The following TNKS variants were observed in gnomAD, a reference collection of about 807,000 sequenced individuals.
TNKS encodes tankyrase.
Under a neutral mutation model 135.8 loss-of-function variants are expected in TNKS, and 72 were observed. The ratio of observed to expected loss-of-function variants is 0.53; its 90% CI spans 0.44 to 0.64. The LOEUF is 0.64. Ranked by LOEUF, TNKS falls within the 30% of genes least tolerant of loss-of-function variation. TNKS has a pLI of 0.00. For missense variants in TNKS, 1,769 were observed against 1,674.0 expected (o/e 1.06, Z -0.99); for synonymous variants, 849 against 649.3 (o/e 1.31, Z -4.68).
intron 11 of TNKS, among the ~76,000 whole-genome samples, chr8:9,714,977 A>G (rs1481836356): frequency 1.3e-5 from 2 of 152,184 alleles, no homozygotes; most frequent in Non-Finnish European, 2.9e-5. Flanking sequence ...CTGGTAGAGA[A>G]AGCATGGAAA....
intron 26 of TNKS, among the ~76,000 whole-genome samples, chr8:9,772,878 G>A (rs1450883034): frequency 6.8e-6 from 1 of 146,746 alleles, no homozygotes; most frequent in Non-Finnish European, 1.5e-5. Context: ...ATGTGTGGGT[G>A]TGGGTGTATC....
intron 5 of TNKS, among the ~76,000 whole-genome samples, chr8:9,699,471 A>G (rs1803693060): frequency 6.6e-6 from 1 of 151,728 alleles, no homozygotes; most frequent in African/African-American, 2.4e-5. Context: ...TTTTTTCTCA[A>G]TTTGTCTGTT....
chr8:9,655,915 G>A (rs540693783), intron 3 of TNKS, among the ~76,000 whole-genome samples: 1 of 152,328 alleles, frequency 6.6e-6, no homozygotes, highest in East Asian at 1.9e-4. Context: ...TGAGTTGAGA[G>A]AAGAAGGCTT....
intron 3 of TNKS, among the ~76,000 whole-genome samples, chr8:9,675,969 G>A (rs560486240): frequency 2.6e-5 from 4 of 151,024 alleles, no homozygotes; most frequent in Non-Finnish European, 5.9e-5. Flanking sequence ...TGATAGGTTT[G>A]GATACCATGC....
chr8:9,575,089 C>G (rs954046559), intron 1 of TNKS: 3 of 984,488 alleles, frequency 3.0e-6, no homozygotes, highest in East Asian at 1.1e-4. Flanking sequence ...TCTCCATTAT[C>G]TTTTTATTTT....
intron 1 of TNKS, among the ~76,000 whole-genome samples, chr8:9,563,064 C>A (rs566829391): frequency 4.6e-5 from 7 of 151,882 alleles, no homozygotes; most frequent in African/African-American, 1.2e-4. Flanking sequence ...GTTACTTGCT[C>A]CATTTCTTTA....
intron 3 of TNKS, among the ~76,000 whole-genome samples, chr8:9,616,324 C>G (rs893073098): frequency 3.3e-5 from 5 of 152,124 alleles, no homozygotes; most frequent in African/African-American, 1.2e-4. Flanking sequence ...AAATAGTGCT[C>G]TAAGTGTTTT....
chr8:9,577,901 G>C (rs754706632), intron 1 of TNKS, among the ~76,000 whole-genome samples: 2 of 152,188 alleles, frequency 1.3e-5, no homozygotes, highest in African/African-American at 2.4e-5. Flanking sequence ...CAGTTAGTTA[G>C]TTACAAGATA....
intron 1 of TNKS, among the ~76,000 whole-genome samples, chr8:9,571,643 G>C (rs1479617038): frequency 6.6e-6 from 1 of 152,094 alleles, no homozygotes; most frequent in Non-Finnish European, 1.5e-5. Context: ...ATTTGTAGTA[G>C]AGACGGGGTT....
intron 13 of TNKS, among the ~76,000 whole-genome samples, chr8:9,730,102 A>T (rs1805359943): frequency 6.6e-6 from 1 of 152,096 alleles, no homozygotes; most frequent in Admixed American, 6.5e-5. Context: ...GTAAATTATT[A>T]TTCAGATATT....
At chr8:9,570,326 T>A (rs1797709232) in intron 1 of TNKS, among the ~76,000 whole-genome samples, 2 of 152,112 alleles carry the variant, frequency 1.3e-5, no homozygotes, top group African/African-American at 2.4e-5. Flanking sequence ...CTGTATTGAC[T>A]GTAATGGGGA....
intron 11 of TNKS, among the ~76,000 whole-genome samples, chr8:9,718,478 T>C (rs6601359): frequency 0.97 from 148,047 of 152,252 alleles, 72,100 homozygotes; most frequent in East Asian, 1. Context: ...CAGCCATTTC[T>C]TTGTGGTCTG....
chr8:9,683,730 T>G (rs186341338), intron 5 of TNKS, among the ~76,000 whole-genome samples: 2 of 152,072 alleles, frequency 1.3e-5, no homozygotes, highest in South Asian at 4.1e-4. Context: ...GTGTAAATTT[T>G]AAGTACTCTT....
At chr8:9,565,361 A>G (rs1249900727) in intron 1 of TNKS, among the ~76,000 whole-genome samples, 5 of 152,150 alleles carry the variant, frequency 3.3e-5, no homozygotes, top group East Asian at 1.9e-4. Flanking sequence ...TTTCAGTAGA[A>G]CAAACTAAAC....
At chr8:9,707,741 A>G (rs922444845) in intron 8 of TNKS, among the ~76,000 whole-genome samples, 26 of 152,212 alleles carry the variant, frequency 1.7e-4, no homozygotes, top group African/African-American at 6.0e-4. Flanking sequence ...GGTTATGAAA[A>G]TAATAAGCTA....
At chr8:9,633,848 G>A (rs928920018) in intron 3 of TNKS, among the ~76,000 whole-genome samples, 4 of 152,080 alleles carry the variant, frequency 2.6e-5, no homozygotes, top group Non-Finnish European at 5.9e-5. Context: ...TTTTCCAGCC[G>A]CATTTAAGCC....
chr8:9,720,686 T>C (rs1362401156), intron 12 of TNKS, 141 bp downstream of exon 12: 2 of 963,466 alleles, frequency 2.1e-6, no homozygotes, highest in Non-Finnish European at 3.0e-6. Context: ...GACTTCCCCA[T>C]CTCCCTTTTT....
At chr8:9,700,516 C>T (rs188443766) in intron 5 of TNKS, among the ~76,000 whole-genome samples, 6 of 152,318 alleles carry the variant, frequency 3.9e-5, no homozygotes, top group Admixed American at 3.9e-4. Flanking sequence ...CTCTCTCTGA[C>T]ATTACCACTG....
intron 2 of TNKS, among the ~76,000 whole-genome samples, chr8:9,595,185 A>G (rs142506898): frequency 9.5e-4 from 142 of 149,304 alleles, no homozygotes; most frequent in African/African-American, 3.1e-3. Context: ...GCAATGTGTG[A>G]TCTCGGCTCA....
Sources: gnomAD v4.1 joint callset for allele counts (sites outside exome capture counted in the v4.1 genomes callset) on GRCh38, gnomAD v4.1.1 for gene constraint, MANE v1.5 for transcripts, NCBI Gene and HGNC (gene_info 2026-07-23, HGNC 2026-07-21) for gene names.